PRPF3: variants seen among roughly 807,000 people sequenced by gnomAD.
The protein encoded by PRPF3 is pre-mRNA processing factor 3, also known as U4/U6 small nuclear ribonucleoprotein Prp3.
In PRPF3, 3 loss-of-function variants were observed where a neutral mutation model predicts 89.2. The ratio of observed to expected loss-of-function variants is 0.03; its 90% confidence interval spans 0.02 to 0.09. The LOEUF (loss-of-function observed/expected upper bound fraction) is 0.09. Among genes scored for constraint, PRPF3 ranks in the 10% least tolerant of loss-of-function variants. The pLI, the probability that PRPF3 is intolerant of heterozygous loss-of-function variation, is 1.00. For synonymous variants in PRPF3, 270 were observed against 289.1 expected (o/e 0.93, Z 0.67); for missense variants, 463 against 828.8 (o/e 0.56, Z 5.42).
chr1:150,338,761 C>T (rs960736718), intron 8 of PRPF3, among the ~76,000 whole-genome samples: 1 of 152,090 alleles, frequency 6.6e-6, no homozygotes. Flanking sequence ...GTGATCCGCC[C>T]ACCTTAGCCT....
intron 1 of PRPF3, among the ~76,000 whole-genome samples, chr1:150,323,843 C>A (rs1395432096): frequency 7.1e-6 from 1 of 141,796 alleles, no homozygotes; most frequent in Non-Finnish European, 1.5e-5. Context: ...GTGGCGCGAT[C>A]TTGGCTCACT....
intron 2 of PRPF3, 50 bp from the exon 3 acceptor site, chr1:150,325,701 A>T: frequency 6.3e-7 from 1 of 1,598,736 alleles, no homozygotes; most frequent in Non-Finnish European, 8.5e-7. Context: ...CTAGTATTAG[A>T]CTGTGTACTC....
In PRPF3 at chr1:150,353,021, C is replaced by T. The variant is rs77626125; in HGVS notation, c.*42C>T. 6,023 of 1,611,768 alleles carry T rather than the reference C, an allele frequency of 3.7e-3. 219 individuals are homozygous for T. The African/African-American group carries it at 0.072, about 19-fold the overall frequency. On this transcript the variant is annotated 3_prime_UTR_variant, in exon 16 of 16. Transcript: ENST00000324862. ...TGCCTCTCCTCCCTTGCCTTTGTCT[C>T]TTCAGTCCTCTCACTTATTCTATTT... is the stretch of plus-strand genomic sequence containing the variant.
intron 1 of PRPF3, 55 bp from the exon 2 acceptor site, chr1:150,324,840 C>T: frequency 1.4e-6 from 2 of 1,440,634 alleles, no homozygotes; most frequent in South Asian, 1.2e-5. Flanking sequence ...AGCCACTGCA[C>T]CCAGCCCACT....
intron 4 of PRPF3, 79 bp from the exon 5 acceptor site, chr1:150,332,605 C>G (rs782067852): frequency 2.6e-5 from 35 of 1,347,050 alleles, no homozygotes; most frequent in African/African-American, 5.8e-5. Flanking sequence ...GACCTGAGAG[C>G]CTTGTGGGTT....
chr1:150,335,346 T>C, intron 7 of PRPF3, 105 bp downstream of exon 7: 1 of 1,351,626 alleles, frequency 7.4e-7, no homozygotes, highest in Non-Finnish European at 1.0e-6. Context: ...ATAGGTCATT[T>C]AAAGCAGCAG....
chr1:150,348,602 A>G (rs12137280), intron 14 of PRPF3: 18,087 of 155,746 alleles, frequency 0.12, 1,480 homozygotes, highest in East Asian at 0.45. Context: ...AGCTCGGATT[A>G]CAGGCACCTG....
At chr1:150,337,073 C>T (rs1657090469) in intron 7 of PRPF3, among the ~76,000 whole-genome samples, 1 of 138,556 alleles carries the variant, frequency 7.2e-6, no homozygotes, top group South Asian at 2.3e-4. Context: ...GAGTCTCGCT[C>T]TGTCACCCAG....
At chr1:150,328,274 C>T in intron 3 of PRPF3, 46 bp from the exon 4 acceptor site, 4 of 1,609,712 alleles carry the variant, frequency 2.5e-6, no homozygotes, top group Non-Finnish European at 3.4e-6. Flanking sequence ...TTCCCTTCTC[C>T]CCACGGGGAG....
chr1:150,345,734 A>C, intron 12 of PRPF3: 1 of 414,246 alleles, frequency 2.4e-6, no homozygotes, highest in South Asian at 2.1e-5. Flanking sequence ...TGAGATTGTA[A>C]GTATTTTTGG....
chr1:150,350,607 A>G (rs1234401515), intron 15 of PRPF3, among the ~76,000 whole-genome samples: 1 of 152,234 alleles, frequency 6.6e-6, no homozygotes, highest in African/African-American at 2.4e-5. Flanking sequence ...AAAGTGGTAC[A>G]TTATTACAAA....
At chr1:150,347,285 C>T (rs1361697151) in intron 14 of PRPF3, among the ~76,000 whole-genome samples, 1 of 151,724 alleles carries the variant, frequency 6.6e-6, no homozygotes, top group Non-Finnish European at 1.5e-5. Flanking sequence ...TACACACACA[C>T]ACACATACAT....
intron 6 of PRPF3, among the ~76,000 whole-genome samples, chr1:150,334,248 A>G (rs1427719716): frequency 6.6e-6 from 1 of 152,070 alleles, no homozygotes; most frequent in Non-Finnish European, 1.5e-5. Context: ...TGAGGTTGCA[A>G]TGAGCTGTGA....
intron 3 of PRPF3, chr1:150,328,091 G>T: frequency 1.9e-6 from 1 of 537,524 alleles, no homozygotes; most frequent in East Asian, 3.2e-5. Flanking sequence ...CTTGAGATGG[G>T]AACATTTATA....
At chr1:150,337,101 C>T (rs587642665) in intron 7 of PRPF3, among the ~76,000 whole-genome samples, 2 of 135,982 alleles carry the variant, frequency 1.5e-5, no homozygotes, top group African/African-American at 2.8e-5. Context: ...TGCAGTGGCA[C>T]GATCTCAGCT....
At position 150,347,767 on chromosome 1, in the gene PRPF3, A is replaced by G. The variant is rs184900501; in HGVS notation, c.1843+1276A>G. Among the ~76,000 whole-genome samples the G allele has an allele frequency of 9.2e-4, 140 of 152,150 alleles. 2 individuals carry two copies. The highest frequency in any genetic ancestry group is 1.8e-3 in the Non-Finnish European group (124 of 68,002). On this transcript the variant is annotated intron_variant, in intron 14 of 15. Coordinates refer to ENST00000324862, the MANE Select transcript of PRPF3 (RefSeq NM_004698.4). Reference sequence around the variant, plus strand: ...GCATTTAATACATCTGACCTACAGGACATCATAACAGCCTAGCCTTCCTTA... The same window carrying G: ...GCATTTAATACATCTGACCTACAGGGCATCATAACAGCCTAGCCTTCCTTA...
chr1:150,349,240 A>C (rs1202724774), intron 15 of PRPF3, 22 bp downstream of exon 15: 3 of 1,598,712 alleles, frequency 1.9e-6, no homozygotes, highest in African/African-American at 2.7e-5. Context: ...TTTGTAAAAC[A>C]TTGTAAAACT....
At chr1:150,331,044 T>G (rs587765092) in intron 4 of PRPF3, among the ~76,000 whole-genome samples, 1 of 152,006 alleles carries the variant, frequency 6.6e-6, no homozygotes, top group East Asian at 1.9e-4. Context: ...TTTTATTTTA[T>G]TTTTTGAGAC....
intron 10 of PRPF3, 33 bp downstream of exon 10, chr1:150,343,485 G>A (rs1657991735): frequency 1.9e-6 from 3 of 1,610,892 alleles, no homozygotes; most frequent in South Asian, 2.2e-5. Flanking sequence ...CTGTTAAAAA[G>A]AGTGGCAAGT....
Sources: gnomAD v4.1 joint callset for allele counts (sites outside exome capture counted in the v4.1 genomes callset) on GRCh38, gnomAD v4.1.1 for gene constraint, MANE v1.5 for transcripts, NCBI Gene and HGNC (gene_info 2026-07-23, HGNC 2026-07-21) for gene names.